The following DTNB variants were observed in gnomAD, a reference collection of about 807,000 sequenced individuals.
The protein encoded by DTNB is dystrobrevin beta.
DTNB carries 63 observed loss-of-function variants against 90.7 expected under a neutral mutation model. The observed-to-expected ratio is 0.69, with a 90% CI of 0.57 to 0.86. DTNB has a LOEUF of 0.86. DTNB is among the 40% of genes least tolerant of loss of function. The probability of loss-of-function intolerance (pLI) is 0.00; values close to 1 mark genes in which losing one functional copy is unlikely to be tolerated. For missense variants in DTNB, 744 were observed against 807.1 expected, an observed-to-expected ratio of 0.92 and a Z score of 0.95; for synonymous variants, 277 against 286.7, an observed-to-expected ratio of 0.97 and a Z score of 0.34.
intron 10 of DTNB, among the ~76,000 whole-genome samples, chr2:25,467,095 A>T (rs76077059): frequency 0.028 from 4,212 of 152,252 alleles, 153 homozygotes; most frequent in African/African-American, 0.085. Context: ...ATTTCATGGG[A>T]ACTCAAACAC....
intron 6 of DTNB, among the ~76,000 whole-genome samples, chr2:25,588,115 A>G (rs916403184): frequency 6.6e-6 from 1 of 152,122 alleles, no homozygotes; most frequent in Admixed American, 6.5e-5. Flanking sequence ...GTTATATCTC[A>G]GTAATAAAAA....
At chr2:25,550,345 C>G (rs969848313) in intron 8 of DTNB, among the ~76,000 whole-genome samples, 1 of 151,990 alleles carries the variant, frequency 6.6e-6, no homozygotes, top group Non-Finnish European at 1.5e-5. Flanking sequence ...GAGCCGAGAT[C>G]GCGCCACTGC....
chr2:25,525,307 C>A (rs2076878595), intron 9 of DTNB, among the ~76,000 whole-genome samples: 2 of 152,080 alleles, frequency 1.3e-5, no homozygotes, highest in Admixed American at 1.3e-4. Flanking sequence ...GGAAGAGGGA[C>A]ACAGGAGACC....
chr2:25,406,818 G>A (rs779158369), intron 16 of DTNB, among the ~76,000 whole-genome samples: 63 of 152,136 alleles, frequency 4.1e-4, no homozygotes, highest in Non-Finnish European at 7.5e-4. Flanking sequence ...CCTCAGGTTA[G>A]TTAGACCTTC....
intron 1 of DTNB, among the ~76,000 whole-genome samples, chr2:25,661,719 AT>A (rs1294936093): frequency 6.6e-6 from 1 of 152,218 alleles, no homozygotes; most frequent in Non-Finnish European, 1.5e-5. Flanking sequence ...CAAAAATATA[AT>A]TTACCCATCA....
intron 9 of DTNB, among the ~76,000 whole-genome samples, chr2:25,527,567 A>G (rs2077408733): frequency 6.6e-6 from 1 of 152,204 alleles, no homozygotes; most frequent in South Asian, 2.1e-4. Flanking sequence ...GAGAGTGGAA[A>G]TAAAAAAGGC....
chr2:25,504,800 T>C (rs754117186), intron 9 of DTNB, among the ~76,000 whole-genome samples: 23 of 152,318 alleles, frequency 1.5e-4, no homozygotes, highest in African/African-American at 3.8e-4. Flanking sequence ...AATAGATCTA[T>C]TGATTCAGTA....
At chr2:25,442,165 T>C (rs1171817004) in intron 12 of DTNB, among the ~76,000 whole-genome samples, 1 of 152,208 alleles carries the variant, frequency 6.6e-6, no homozygotes, top group Non-Finnish European at 1.5e-5. Flanking sequence ...AAACATGGCC[T>C]GAAAGAGTAA....
intron 14 of DTNB, among the ~76,000 whole-genome samples, chr2:25,428,436 T>C (rs1400882051): frequency 7.6e-6 from 1 of 132,442 alleles, no homozygotes; most frequent in South Asian, 2.2e-4. Flanking sequence ...TCCTGCTTTC[T>C]TTTTTTTTTT....
chr2:25,468,764 G>C (rs1338458235), intron 10 of DTNB, among the ~76,000 whole-genome samples: 1 of 152,160 alleles, frequency 6.6e-6, no homozygotes, highest in Non-Finnish European at 1.5e-5. Flanking sequence ...GTCAATGACA[G>C]GGTCCCTAAT....
Position 25,383,834 on chromosome 2 carries a change from A to G in DTNB, c.1879+2T>C. 1 of 1,613,988 alleles carries G rather than the reference A, an allele frequency of 6.2e-7. No homozygotes were observed. On this transcript the variant is annotated splice_donor_variant, in intron 19 of 20. Transcript: ENST00000406818. LOFTEE classifies it high-confidence loss of function. ...CGAGCAGTCCTGCTGAGCTGCCTTT[A>G]CCTCTGTCTTTCCCATTCTGCATCT...
rs905291896 is a variant in DTNB, at chr2:25,511,723, G to A, written c.1001+19750C>T. The stretch of plus-strand genomic sequence containing the variant: ...CTTTCAATAGGGCTGAGCTCACTCA[G>A]ATAACATCAGTAGCAGTTTAATCAA... On this transcript the variant is annotated intron_variant, in intron 9 of 20. Transcript: ENST00000406818. Among the ~76,000 whole-genome samples the A allele has an allele frequency of 5.9e-5, 9 of 152,140 alleles. No homozygotes were observed. The East Asian group carries it at 1.7e-3, about 29-fold the overall frequency.
At position 25,387,305 on chromosome 2, in the gene DTNB, C is replaced by T; in HGVS notation, c.1809G>A (p.Val603=). The T allele has an allele frequency of 1.2e-6, 2 of 1,610,762 alleles. No homozygotes were observed. Among genetic ancestry groups the T allele is most frequent in the Non-Finnish European group, 1.7e-6 (2 of 1,178,726 alleles). The part of the protein sequence containing the change: ...DSITNTMSSL[V]KELHSAEEGA... ...GGGTTTCACCTGAATGGAGCTCCTTCACCAGGGATGACATGGTGTTGGTGA... is the reference window on the plus strand; with the variant it reads ...GGGTTTCACCTGAATGGAGCTCCTTTACCAGGGATGACATGGTGTTGGTGA... The change falls in exon 18 of 21, where the codon GTG becomes GTA. Residue 603 remains valine (V), a synonymous_variant. Coordinates refer to ENST00000406818, the MANE Select transcript of DTNB (RefSeq NM_021907.5). The surrounding 1 kb of genome is among the most constrained non-coding windows in gnomAD (Gnocchi z 4.5).
intron 12 of DTNB, among the ~76,000 whole-genome samples, chr2:25,445,312 G>A (rs2058228783): frequency 6.6e-6 from 1 of 152,120 alleles, no homozygotes; most frequent in South Asian, 2.1e-4. Context: ...GCACTTTTCT[G>A]TTTCTTTCTC....
intron 8 of DTNB, among the ~76,000 whole-genome samples, chr2:25,534,002 A>ATT (rs1363985383): frequency 7.9e-5 from 11 of 139,364 alleles, no homozygotes; most frequent in African/African-American, 3.0e-4. Flanking sequence ...TTTTTTTTTA[A>ATT]TTTTTTTTTA....
intron 9 of DTNB, among the ~76,000 whole-genome samples, chr2:25,530,787 C>T (rs544029227): frequency 3.7e-4 from 57 of 152,254 alleles, no homozygotes; most frequent in African/African-American, 1.3e-3. Context: ...GATAAAGATT[C>T]GTGATCCAAA....
At chr2:25,521,912 T>C (rs1162674429) in intron 9 of DTNB, among the ~76,000 whole-genome samples, 4 of 152,202 alleles carry the variant, frequency 2.6e-5, no homozygotes, top group South Asian at 4.1e-4. Flanking sequence ...TTCAGGGTAA[T>C]AGACACACTA....
At chr2:25,572,653 GT>G (rs2060055761) in intron 8 of DTNB, among the ~76,000 whole-genome samples, 1 of 150,690 alleles carries the variant, frequency 6.6e-6, no homozygotes. Flanking sequence ...GTTCTCAGAG[GT>G]TTTTTGTTTT....
rs537056937 is a variant in DTNB at position 25,628,094 on chromosome 2, G to A, written c.362+77C>T. ...CCAGCTTAGCAAGGCAACTTAGCAC[G>A]GCAGTATGGAAGAAGAATGATTCAG... On this transcript the variant is annotated intron_variant, in intron 4 of 20. Coordinates refer to ENST00000406818, the MANE Select transcript of DTNB (RefSeq NM_021907.5). The A allele has an allele frequency of 1.1e-3, 1,558 of 1,481,976 alleles. 1 individual carries two copies. The highest frequency in any genetic ancestry group is 1.3e-3 in the Non-Finnish European group (1,382 of 1,072,500). 91.8% of individuals were successfully genotyped at this position (1,481,976 alleles called of 1,614,324 possible).
Sources: gnomAD v4.1 joint callset for allele counts (sites outside exome capture counted in the v4.1 genomes callset) on GRCh38, gnomAD v4.1.1 for gene constraint, Gnocchi (gnomAD v3.1) non-coding constraint, MANE v1.5 for transcripts, NCBI Gene and HGNC (gene_info 2026-07-23, HGNC 2026-07-21) for gene names.